Variants in GALNT13 observed in about 807,000 individuals in gnomAD.
GALNT13 encodes the protein polypeptide N-acetylgalactosaminyltransferase 13, also known as UDP-GalNAc:polypeptide N-acetylgalactosaminyltransferase 13.
GALNT13 carries 28 observed loss-of-function variants against 64.2 expected under a neutral mutation model. The ratio of observed to expected loss-of-function variants is 0.44; its 90% confidence interval spans 0.32 to 0.60. The LOEUF is 0.60. Ranked by LOEUF, GALNT13 falls within the 20% of genes least tolerant of loss-of-function variation. The probability of loss-of-function intolerance (pLI) is 0.05; values close to 1 mark genes in which losing one functional copy is unlikely to be tolerated. For missense variants in GALNT13, 577 were observed against 669.8 expected, an observed-to-expected ratio of 0.86 and a Z score of 1.53; for synonymous variants, 214 against 224.6, an observed-to-expected ratio of 0.95 and a Z score of 0.42.
chr2:153,740,348 T>G, the GALNT13 span, among the ~76,000 whole-genome samples: 1 of 152,076 alleles, frequency 6.6e-6, no homozygotes, highest in Non-Finnish European at 1.5e-5. Context: ...TCTCTTCTAC[T>G]GTATTCTGGT....
At chr2:153,576,521 T>C in the GALNT13 span, among the ~76,000 whole-genome samples, 1 of 152,186 alleles carries the variant, frequency 6.6e-6, no homozygotes. Flanking sequence ...GGTTTTCCTT[T>C]TTCCTCTATT....
chr2:153,485,742 A>T, the GALNT13 span, among the ~76,000 whole-genome samples: 1 of 151,954 alleles, frequency 6.6e-6, no homozygotes, highest in African/African-American at 2.4e-5. Flanking sequence ...ATAAAAAAAT[A>T]AAAAGGCTTT....
chr2:153,991,263 G>A (rs2105189343), intron 3 of GALNT13, among the ~76,000 whole-genome samples: 1 of 152,226 alleles, frequency 6.6e-6, no homozygotes, highest in Non-Finnish European at 1.5e-5. Flanking sequence ...TTGTGATGGA[G>A]CAAAAAACGT....
At chr2:153,293,810 T>A in the GALNT13 span, among the ~76,000 whole-genome samples, 2 of 150,946 alleles carry the variant, frequency 1.3e-5, no homozygotes, top group African/African-American at 2.4e-5. Context: ...TGTGTGTGTG[T>A]GAGACAGGGT....
At chr2:153,068,309 ACT>A in the GALNT13 span, among the ~76,000 whole-genome samples, 1 of 151,942 alleles carries the variant, frequency 6.6e-6, no homozygotes, top group African/African-American at 2.4e-5. Context: ...AGTGCTTTTC[ACT>A]CTCTTAAATG....
At position 153,901,779 on chromosome 2, in the gene GALNT13, A is replaced by G. The variant is rs868305840; in HGVS notation, c.-105+772A>G. Among the ~76,000 whole-genome samples, 6 of 152,312 alleles carry G rather than the reference A, an allele frequency of 3.9e-5. No individual in the cohort carries two copies. The Middle Eastern group carries it at 0.014, about 345-fold the overall frequency. ...CAGCAACCCAAAATGAGTTGCCTTG[A>G]ACAAAATGCTATTTGATTAGAGAAA... On this transcript the variant is annotated intron_variant, in intron 2 of 12. Coordinates refer to ENST00000392825, the MANE Select transcript of GALNT13 (RefSeq NM_052917.4).
intron 1 of GALNT13, among the ~76,000 whole-genome samples, chr2:153,883,306 A>G (rs961034682): frequency 6.6e-6 from 1 of 151,898 alleles, no homozygotes; most frequent in African/African-American, 2.4e-5. Context: ...AATCTCCACG[A>G]AGCATGACTT....
intron 3 of GALNT13, among the ~76,000 whole-genome samples, chr2:153,995,608 A>G (rs1030470473): frequency 1.2e-4 from 19 of 152,294 alleles, no homozygotes; most frequent in Non-Finnish European, 2.6e-4. Flanking sequence ...ATGATGATCA[A>G]ATCAGTGTAG....
the GALNT13 span, among the ~76,000 whole-genome samples, chr2:153,209,976 A>T: frequency 6.6e-6 from 1 of 152,100 alleles, no homozygotes; most frequent in Non-Finnish European, 1.5e-5. Flanking sequence ...TGTTTTTAGT[A>T]TATAATTATA....
At chr2:153,179,125 C>T in the GALNT13 span, among the ~76,000 whole-genome samples, 1 of 152,158 alleles carries the variant, frequency 6.6e-6, no homozygotes, top group East Asian at 1.9e-4. Flanking sequence ...ACCAATGTCA[C>T]ATAGTTTTTC....
At chr2:153,168,750 T>C in the GALNT13 span, among the ~76,000 whole-genome samples, 1 of 152,214 alleles carries the variant, frequency 6.6e-6, no homozygotes, top group Non-Finnish European at 1.5e-5. Flanking sequence ...AAGTGCCTGA[T>C]TAATAAACTT....
intron 1 of GALNT13, among the ~76,000 whole-genome samples, chr2:153,883,162 A>C (rs889205686): frequency 6.7e-6 from 1 of 150,310 alleles, no homozygotes; most frequent in African/African-American, 2.4e-5. Context: ...GAAAAGGAAC[A>C]CTAAATGAGT....
At chr2:153,085,620 G>A in the GALNT13 span, among the ~76,000 whole-genome samples, 26 of 152,194 alleles carry the variant, frequency 1.7e-4, no homozygotes, top group Non-Finnish European at 2.8e-4. Context: ...CAAGAATTTA[G>A]GTTTGGGAAC....
At chr2:154,337,710 C>G (rs1277506405) in intron 9 of GALNT13, among the ~76,000 whole-genome samples, 1 of 151,298 alleles carries the variant, frequency 6.6e-6, no homozygotes, top group Non-Finnish European at 1.5e-5. Flanking sequence ...TATTAATTGC[C>G]CAAGTCAAAA....
At chr2:153,316,396 A>G in the GALNT13 span, among the ~76,000 whole-genome samples, 18 of 152,080 alleles carry the variant, frequency 1.2e-4, 1 homozygote, top group South Asian at 2.3e-3. Context: ...TAATCCCAGC[A>G]CTTTGGGAGG....
the GALNT13 span, among the ~76,000 whole-genome samples, chr2:153,401,539 CAT>C: frequency 7.4e-5 from 11 of 148,974 alleles, no homozygotes; most frequent in African/African-American, 2.7e-4. Context: ...TAAAGTCTCC[CAT>C]TATTAATGTG....
the GALNT13 span, among the ~76,000 whole-genome samples, chr2:153,279,826 T>G: frequency 6.6e-6 from 1 of 152,138 alleles, no homozygotes; most frequent in South Asian, 2.1e-4. Context: ...TGTTTTTATT[T>G]TTTTTTTCAT....
At chr2:154,297,875 T>A (rs1693019734) in intron 8 of GALNT13, among the ~76,000 whole-genome samples, 1 of 150,884 alleles carries the variant, frequency 6.6e-6, no homozygotes, top group Non-Finnish European at 1.5e-5. Flanking sequence ...TACTATCAAT[T>A]GGAAAAAAAA....
the GALNT13 span, among the ~76,000 whole-genome samples, chr2:153,777,279 T>C: frequency 6.6e-6 from 1 of 152,192 alleles, no homozygotes; most frequent in African/African-American, 2.4e-5. Flanking sequence ...CTATTATCTT[T>C]GTTTAGGGCA....
Sources: allele counts gnomAD v4.1 joint callset (sites outside exome capture counted in the v4.1 genomes callset), GRCh38; gene constraint gnomAD v4.1.1; transcripts MANE v1.5; gene names NCBI Gene and HGNC (gene_info 2026-07-23, HGNC 2026-07-21).